The following FAM83B variants were observed in gnomAD, a reference collection of about 807,000 sequenced individuals.
FAM83B encodes protein FAM83B.
FAM83B carries 26 observed loss-of-function variants against 38.8 expected under a neutral mutation model. That is an observed-to-expected ratio of 0.67 (90% confidence interval 0.49 to 0.93). The LOEUF is 0.93. FAM83B is among the 40% of genes least tolerant of loss of function. The pLI, the probability that FAM83B is intolerant of heterozygous loss-of-function variation, is 0.00. For synonymous variants in FAM83B, 419 were observed against 423.1 expected (o/e 0.99, Z 0.12); for missense variants, 1,237 against 1,197.3 (o/e 1.03, Z -0.49).
At chr6:54,906,635 C>T (rs1303190493) in intron 2 of FAM83B, among the ~76,000 whole-genome samples, 2 of 152,036 alleles carry the variant, frequency 1.3e-5, no homozygotes, top group African/African-American at 2.4e-5. Context: ...TTCCCTGCCT[C>T]GGCCTCCCAA....
At chr6:54,887,286 A>G (rs1482515741) in intron 2 of FAM83B, among the ~76,000 whole-genome samples, 2 of 152,218 alleles carry the variant, frequency 1.3e-5, no homozygotes, top group African/African-American at 4.8e-5. Flanking sequence ...TTAAAAATAC[A>G]GTATTCTTGG....
At chr6:54,904,685 A>T (rs1772737297) in intron 2 of FAM83B, among the ~76,000 whole-genome samples, 1 of 152,212 alleles carries the variant, frequency 6.6e-6, no homozygotes, top group Non-Finnish European at 1.5e-5. Flanking sequence ...AGACTTAGAT[A>T]CTAAGGTTAG....
At chr6:54,848,497 A>T (rs1450422430) in intron 1 of FAM83B, among the ~76,000 whole-genome samples, 1 of 152,234 alleles carries the variant, frequency 6.6e-6, no homozygotes, top group Non-Finnish European at 1.5e-5. Flanking sequence ...GTGCTGACTC[A>T]GTGATGTCTT....
intron 2 of FAM83B, among the ~76,000 whole-genome samples, chr6:54,874,287 T>C (rs191146103): frequency 3.9e-5 from 6 of 152,292 alleles, no homozygotes; most frequent in South Asian, 4.1e-4. Flanking sequence ...TTCTTTCTTT[T>C]GTATGTTTGC....
At chr6:54,910,882 T>C (rs79780222) in intron 2 of FAM83B, among the ~76,000 whole-genome samples, 3,732 of 151,956 alleles carry the variant, frequency 0.025, 154 homozygotes, top group African/African-American at 0.084. Flanking sequence ...GAACTGTTTT[T>C]TTTCCCAAAC....
chr6:54,891,607 C>G (rs1401848681), intron 2 of FAM83B, among the ~76,000 whole-genome samples: 2 of 152,116 alleles, frequency 1.3e-5, no homozygotes, highest in Non-Finnish European at 2.9e-5. Flanking sequence ...GCATATTTAC[C>G]TGTGGCCCAC....
At chr6:54,852,530 A>G (rs1771329394) in intron 1 of FAM83B, among the ~76,000 whole-genome samples, 2 of 152,150 alleles carry the variant, frequency 1.3e-5, no homozygotes, top group African/African-American at 2.4e-5. Flanking sequence ...TGGGCACAGT[A>G]TTGAAATTAG....
At chr6:54,918,406 C>T (rs1397024962) in intron 2 of FAM83B, among the ~76,000 whole-genome samples, 1 of 152,034 alleles carries the variant, frequency 6.6e-6, no homozygotes, top group Non-Finnish European at 1.5e-5. Context: ...TGAAGAAATA[C>T]CCCAGACTGG....
At position 54,942,545 on chromosome 6, in the gene FAM83B, T is replaced by G. The variant is rs951479672; in HGVS notation, c.*538T>G. 6.6e-6 allele frequency among the ~76,000 whole-genome samples: 1 copy of G among 151,862 alleles called. No homozygotes were observed. Among genetic ancestry groups the G allele is most frequent in the Non-Finnish European group, 1.5e-5 (1 of 68,038 alleles). ...CAGCTGTTTGGGCAACAGCAGTACCTTTTACATTTTTTATTTTTTATTTTT... is the reference window on the plus strand; with the variant it reads ...CAGCTGTTTGGGCAACAGCAGTACCGTTTACATTTTTTATTTTTTATTTTT... On this transcript the variant is annotated 3_prime_UTR_variant, in exon 5 of 5. Transcript: ENST00000306858.
At chr6:54,927,387 T>C in intron 3 of FAM83B, 121 bp from the exon 4 acceptor site, 1 of 701,170 alleles carries the variant, frequency 1.4e-6, no homozygotes, top group South Asian at 3.8e-5. Flanking sequence ...TTGGGAGTTT[T>C]TTTTTTAATT....
chr6:54,925,773 CTG>C (rs145278233), intron 2 of FAM83B, among the ~76,000 whole-genome samples: 7,274 of 152,120 alleles, frequency 0.048, 226 homozygotes, highest in Non-Finnish European at 0.067. Context: ...TCAGGGCTGA[CTG>C]TGACTTGAGT....
chr6:54,861,725 G>C (rs1771588228), intron 1 of FAM83B, among the ~76,000 whole-genome samples: 1 of 152,158 alleles, frequency 6.6e-6, no homozygotes, highest in Non-Finnish European at 1.5e-5. Context: ...GAAAGGTCCA[G>C]CTGCTTGTTC....
At chr6:54,854,976 G>A (rs1771409743) in intron 1 of FAM83B, among the ~76,000 whole-genome samples, 1 of 152,114 alleles carries the variant, frequency 6.6e-6, no homozygotes, top group Non-Finnish European at 1.5e-5. Context: ...CCAAAGGGCC[G>A]CTTCTCTTGG....
At chr6:54,911,165 GTA>G (rs1554148151) in intron 2 of FAM83B, among the ~76,000 whole-genome samples, 1 of 151,548 alleles carries the variant, frequency 6.6e-6, no homozygotes, top group Non-Finnish European at 1.5e-5. Flanking sequence ...GTGTGTGTGT[GTA>G]TGTGTAATAG....
chr6:54,920,001 TTC>T (rs1773134884), intron 2 of FAM83B, among the ~76,000 whole-genome samples: 1 of 151,940 alleles, frequency 6.6e-6, no homozygotes, highest in Non-Finnish European at 1.5e-5. Flanking sequence ...TTAAGATAGA[TTC>T]TTAAATATCT....
intron 4 of FAM83B, among the ~76,000 whole-genome samples, chr6:54,930,068 T>C (rs907578831): frequency 3.3e-5 from 5 of 152,038 alleles, no homozygotes; most frequent in African/African-American, 1.2e-4. Flanking sequence ...CTTTTTATTT[T>C]TGGAGAATTG....
intron 2 of FAM83B, among the ~76,000 whole-genome samples, chr6:54,912,298 A>T (rs1408997225): frequency 1.3e-5 from 2 of 151,866 alleles, no homozygotes; most frequent in African/African-American, 4.8e-5. Flanking sequence ...ATAAAATGTC[A>T]ATTTTTAGAT....
Position 54,926,487 on chromosome 6 carries a change from T to G in FAM83B, c.561T>G (p.His187Gln), listed in dbSNP as rs770053273. 6.2e-7 allele frequency: 1 copy of G among 1,609,828 alleles called. No homozygotes were observed. Among genetic ancestry groups the G allele is most frequent in the Non-Finnish European group, 8.5e-7 (1 of 1,177,362 alleles). The change falls in exon 3 of 5, where the codon CAT (histidine) becomes CAG (glutamine). Residue 187 changes from histidine (H) to glutamine (Q), a missense_variant. His to Gln is a conservative substitution (Grantham distance 24). Transcript: ENST00000306858. Reference sequence around the variant, plus strand: ...TGCTTGATGAGTCCAATTTTAATCATTTTCTAAATATGACTGAGAAACAAG... The same window carrying G: ...TGCTTGATGAGTCCAATTTTAATCAGTTTCTAAATATGACTGAGAAACAAG... The part of the protein sequence containing the change: ...YILLDESNFN[H>Q]FLNMTEKQGC...
rs556631508 is a variant in FAM83B at position 54,943,006 on chromosome 6, G to A, written c.*999G>A. Among the ~76,000 whole-genome samples the A allele has an allele frequency of 6.6e-6, 1 of 151,408 alleles. No homozygotes were observed. The highest frequency in any genetic ancestry group is 2.1e-4 in the South Asian group (1 of 4,800). ...CAACCTCTGCCTCCCAAGTTCAAAC[G>A]ATTCTCCTGCCTCAGCCTCCTGAGT... On this transcript the variant is annotated 3_prime_UTR_variant, in exon 5 of 5. Coordinates refer to ENST00000306858, the MANE Select transcript of FAM83B (RefSeq NM_001010872.3).
Sources: gnomAD v4.1 joint callset for allele counts (sites outside exome capture counted in the v4.1 genomes callset) on GRCh38, gnomAD v4.1.1 for gene constraint, MANE v1.5 for transcripts, NCBI Gene and HGNC (gene_info 2026-07-23, HGNC 2026-07-21) for gene names.